The following KY variants were observed in gnomAD, a reference collection of about 807,000 sequenced individuals.
KY encodes kyphoscoliosis peptidase.
Under a neutral mutation model 76.1 loss-of-function variants are expected in KY, and 43 were observed. The observed-to-expected ratio is 0.57, with a 90% CI of 0.44 to 0.73. The LOEUF (loss-of-function observed/expected upper bound fraction) is 0.73, where lower values mean the gene tolerates loss of function less well. KY is among the 30% of genes least tolerant of loss of function. The pLI is 0.00. For synonymous variants in KY, 277 were observed against 326.2 expected, an observed-to-expected ratio of 0.85 and a Z score of 1.63; for missense variants, 722 against 828.9, an observed-to-expected ratio of 0.87 and a Z score of 1.58.
intron 3 of KY, among the ~76,000 whole-genome samples, chr3:134,641,729 C>G (rs555580062): frequency 6.6e-5 from 10 of 152,272 alleles, no homozygotes; most frequent in Middle Eastern, 3.4e-3. Flanking sequence ...GCCCCAGACC[C>G]CATACCCGCA....
At chr3:134,633,922 G>GT (rs2107934839) in intron 3 of KY, among the ~76,000 whole-genome samples, 1 of 152,268 alleles carries the variant, frequency 6.6e-6, no homozygotes, top group Admixed American at 6.5e-5. Flanking sequence ...GGTATACAAG[G>GT]TTAACATACA....
At position 134,603,547 on chromosome 3, in the gene KY, C is replaced by A. The variant is rs760530389; in HGVS notation, c.*32G>T. 14 of 1,539,850 alleles carry A rather than the reference C, an allele frequency of 9.1e-6. No individual in the cohort carries two copies. The East Asian group carries it at 3.2e-4, about 35-fold the overall frequency. On this transcript the variant is annotated 3_prime_UTR_variant, in exon 11 of 11. Coordinates refer to ENST00000423778, the MANE Select transcript of KY (RefSeq NM_178554.6). Reference sequence around the variant, plus strand: ...CCTCCCTGGGGAGGTCTGGCCTTGGCCCTTTGGGAGGGTAAGACCGGGGCA... The same window carrying A: ...CCTCCCTGGGGAGGTCTGGCCTTGGACCTTTGGGAGGGTAAGACCGGGGCA...
At position 134,620,645 on chromosome 3, in the gene KY, C is replaced by A. The variant is rs529138172; in HGVS notation, c.592+104G>T. On this transcript the variant is annotated intron_variant, in intron 7 of 10. Transcript: ENST00000423778. ...CAGTCTTCTGGGTCCCTGTCCCCCA[C>A]CTTTCATGTCACTCTGCACACGTGA... is the stretch of plus-strand genomic sequence containing the variant. The A allele has an allele frequency of 3.8e-6, 3 of 787,334 alleles. No individual in the cohort carries two copies. In the South Asian group the frequency reaches 4.8e-5, roughly 13 times the overall value. 48.8% of individuals were successfully genotyped at this position (787,334 alleles called of 1,614,324 possible). A position where few individuals can be genotyped will look rare whatever the true frequency, so the allele number is the denominator to read the frequency against.
rs1199322784 is a variant in KY at position 134,625,095 on chromosome 3, C to G, written c.441G>C (p.Leu147=). ...WDRSSLKSMS[L]DLQQFEKLDI... ...CCAATTTCTCAAACTGCTGCAGGTC[C>G]AGGGACATGGATTTCAGGCTAGATC... Residue 147 remains leucine (L), a synonymous_variant, in exon 6 of 11, where the codon CTG becomes CTC. Transcript: ENST00000423778. The G allele has an allele frequency of 6.2e-7, 1 of 1,603,110 alleles. No homozygotes were observed. The highest frequency in any genetic ancestry group is 2.2e-5 in the East Asian group (1 of 44,542).
intron 3 of KY, chr3:134,639,948 TCAAAAAA>T (rs1455800943): frequency 6.8e-5 from 3 of 43,946 alleles, no homozygotes; most frequent in Admixed American, 7.7e-4. Flanking sequence ...ACACCCTGTC[TCAAAAAA>T]AAAAAAAAAA....
At position 134,603,945 on chromosome 3, in the gene KY, C is replaced by T; in HGVS notation, c.1620G>A (p.Lys540=). The change falls in exon 11 of 11, where the codon AAG becomes AAA. Residue 540 remains lysine, a synonymous_variant. Coordinates refer to ENST00000423778, the MANE Select transcript of KY (RefSeq NM_178554.6). ...TGTAGTTTCCTGGTTCCTGCCTCTT[C>T]TTGACAAAGATCTTGAGGGCAAACT... ...AGKFALKIFV[K]KRQEPGNYIF... is the part of the protein sequence containing the mutation. The T allele has an allele frequency of 6.2e-7, 1 of 1,614,016 alleles. No individual in the cohort carries two copies. The highest frequency in any genetic ancestry group is 1.6e-4 in the Middle Eastern group (1 of 6,062).
intron 6 of KY, among the ~76,000 whole-genome samples, chr3:134,622,503 T>C (rs1171670353): frequency 6.6e-6 from 1 of 152,140 alleles, no homozygotes. Flanking sequence ...ATATGAAATA[T>C]CTAGAATAGG....
At position 134,635,451 on chromosome 3, in the gene KY, C is replaced by T. The variant is rs1345462990; in HGVS notation, c.263-5756G>A. Among the ~76,000 whole-genome samples, 11 of 138,040 alleles carry T rather than the reference C, an allele frequency of 8.0e-5. No individual in the cohort carries two copies. The South Asian group carries it at 1.9e-3, about 24-fold the overall frequency. 90.6% of individuals were successfully genotyped at this position (138,040 alleles called of 152,430 possible). ...GGCGGAGGTTGCAGTGAGCCGAGAT[C>T]GTGCCACTGCAGTCCAGCCTGGACA... On this transcript the variant is annotated intron_variant, in intron 3 of 10. Transcript: ENST00000423778.
rs1438999136 is a variant in KY, at chr3:134,618,308, T to TATA, written c.710+839_710+840insTAT. Among the ~76,000 whole-genome samples the TATA allele has an allele frequency of 2.0e-5, 3 of 152,234 alleles. No homozygotes were observed. In the East Asian group the frequency reaches 5.8e-4, roughly 29 times the overall value. On this transcript the variant is annotated intron_variant, in intron 8 of 10. Coordinates refer to ENST00000423778, the MANE Select transcript of KY (RefSeq NM_178554.6). ...AACTGCCTGCCTGTGGACTAAGTGT[T>TATA]ACACTTGGTTTGATGAATTGCCACC... is the stretch of plus-strand genomic sequence containing the variant.
At chr3:134,640,462 C>T (rs1206925787) in intron 3 of KY, among the ~76,000 whole-genome samples, 3 of 151,974 alleles carry the variant, frequency 2.0e-5, no homozygotes, top group Non-Finnish European at 2.9e-5. Flanking sequence ...TGAGGTGAGC[C>T]GTGAGAGGGG....
chr3:134,643,975 C>T (rs1433302060), intron 2 of KY, among the ~76,000 whole-genome samples: 1 of 152,110 alleles, frequency 6.6e-6, no homozygotes, highest in Non-Finnish European at 1.5e-5. Flanking sequence ...TACAGGTGCC[C>T]GCCACCACAC....
chr3:134,619,302 C>A, intron 7 of KY, 37 bp from the exon 8 acceptor site: 1 of 1,531,748 alleles, frequency 6.5e-7, no homozygotes, highest in Non-Finnish European at 9.0e-7. Flanking sequence ...AGAGCTTGAG[C>A]CTGGGAGGCG....
rs1966588248 is a variant in KY at position 134,647,588 on chromosome 3, G to A, written c.137-91C>T. On this transcript the variant is annotated intron_variant, in intron 1 of 10. Transcript: ENST00000423778. ...ACTTATCTAGGTTATGGTAGAGCAGGTGGATCTTGGCTCTCTTGGAATCTG... is the reference window on the plus strand; with the variant it reads ...ACTTATCTAGGTTATGGTAGAGCAGATGGATCTTGGCTCTCTTGGAATCTG... The A allele has an allele frequency of 9.7e-6, 7 of 724,362 alleles. No individual in the cohort carries two copies. The South Asian group carries it at 1.2e-4, about 13-fold the overall frequency. The allele number at this position is 724,362 out of a possible 1,614,324, so 44.9% of individuals were successfully genotyped here. A position where few individuals can be genotyped will look rare whatever the true frequency, so the allele number is the denominator to read the frequency against.
rs1280021392 is a variant in KY, at chr3:134,601,894, G to C, written c.*1685C>G. 6.6e-6 allele frequency among the ~76,000 whole-genome samples: 1 copy of C among 152,236 alleles called. No individual in the cohort carries two copies. Among genetic ancestry groups the C allele is most frequent in the East Asian group, 1.9e-4 (1 of 5,200 alleles). On this transcript the variant is annotated 3_prime_UTR_variant, in exon 11 of 11. Coordinates refer to ENST00000423778, the MANE Select transcript of KY (RefSeq NM_178554.6). ...CAGTCAGGCCTGGGCAGGGAAGGCT[G>C]CTGCTGCCTGGCAGTTTCCTCACCC...
chr3:134,631,476 C>G (rs1215869144), intron 3 of KY, among the ~76,000 whole-genome samples: 1 of 152,114 alleles, frequency 6.6e-6, no homozygotes, highest in Non-Finnish European at 1.5e-5. Flanking sequence ...ATATATTAGT[C>G]TGCCCTCCTC....
In KY at chr3:134,603,816, T is replaced by C; in HGVS notation, c.1749A>G (p.Glu583=). The C allele has an allele frequency of 6.2e-7, 1 of 1,613,760 alleles. No homozygotes were observed. The highest frequency in any genetic ancestry group is 2.2e-5 in the East Asian group (1 of 44,878). Residue 583 remains glutamate, a synonymous_variant, in exon 11 of 11, where the codon GAA becomes GAG. Coordinates refer to ENST00000423778, the MANE Select transcript of KY (RefSeq NM_178554.6). ...GNWGQDNELL[E]PLSGVLPANR... is the part of the protein sequence containing the mutation. ...TGGCAGGAAGCACACCTGACAGAGG[T>C]TCCAGCAGCTCATTGTCCTGTCCCC... is the stretch of plus-strand genomic sequence containing the variant.
intron 3 of KY, among the ~76,000 whole-genome samples, chr3:134,634,964 A>G (rs1964729408): frequency 6.6e-6 from 1 of 152,258 alleles, no homozygotes; most frequent in Non-Finnish European, 1.5e-5. Context: ...GTAAAATAGA[A>G]CAGTCACTCT....
chr3:134,610,543 T>A, intron 8 of KY, 160 bp from the exon 9 acceptor site: 1 of 636,490 alleles, frequency 1.6e-6, no homozygotes, highest in Non-Finnish European at 2.7e-6. Flanking sequence ...CTTGATGGCT[T>A]TTATCTCGGG....
intron 3 of KY, among the ~76,000 whole-genome samples, chr3:134,641,955 A>C (rs1294283293): frequency 1.3e-5 from 2 of 152,172 alleles, no homozygotes; most frequent in African/African-American, 4.8e-5. Flanking sequence ...GTGTTGAGCC[A>C]TGTGCAGTTG....
Sources: gnomAD v4.1 joint callset for allele counts (sites outside exome capture counted in the v4.1 genomes callset) on GRCh38, gnomAD v4.1.1 for gene constraint, MANE v1.5 for transcripts, NCBI Gene and HGNC (gene_info 2026-07-23, HGNC 2026-07-21) for gene names.